The following NCKAP1 variants were observed in gnomAD, a reference collection of about 807,000 sequenced individuals.
NCKAP1 encodes the protein nck-associated protein 1.
Under a neutral mutation model 151.2 loss-of-function variants are expected in NCKAP1, and 21 were observed. The observed-to-expected ratio is 0.14, with a 90% confidence interval of 0.10 to 0.20. The LOEUF is 0.20. NCKAP1 is among the 10% of genes least tolerant of loss of function. The probability of loss-of-function intolerance (pLI) is 1.00; values close to 1 mark genes in which losing one functional copy is unlikely to be tolerated. For synonymous variants in NCKAP1, 484 were observed against 451.8 expected, an observed-to-expected ratio of 1.07 and a Z score of -0.90; for missense variants, 933 against 1,352.1, an observed-to-expected ratio of 0.69 and a Z score of 4.86.
chr2:182,956,400 A>C, intron 20 of NCKAP1, 62 bp downstream of exon 20: 2 of 1,542,046 alleles, frequency 1.3e-6, no homozygotes, highest in Admixed American at 1.8e-5. Flanking sequence ...AAAACACTGT[A>C]TAATTAAATA....
chr2:182,991,983 A>T (rs972730914), intron 8 of NCKAP1, among the ~76,000 whole-genome samples: 2 of 152,200 alleles, frequency 1.3e-5, no homozygotes, highest in Non-Finnish European at 2.9e-5. Flanking sequence ...TAGAGCAGTG[A>T]TTCTTAAACT....
chr2:182,986,085 C>T (rs1698050765), intron 10 of NCKAP1, 86 bp downstream of exon 10: 1 of 1,233,382 alleles, frequency 8.1e-7, no homozygotes, highest in Non-Finnish European at 1.2e-6. Flanking sequence ...ATCTTGCATA[C>T]TATTAATCTG....
rs5836857 is a variant in NCKAP1 at position 182,910,948 on chromosome 2, G to GCACCCCCCCCCCCC, written c.*14753_*14754insGGGGGGGGGGGGTG. On this transcript the variant is annotated 3_prime_UTR_variant, in exon 31 of 31. Transcript: ENST00000361354. ...CTTGGAAATAAAAATAAAATCCTAA[G>GCACCCCCCCCCCCC]CTCCCCCCCCACATTTGACTAAACA... The GCACCCCCCCCCCCC allele has an allele frequency of 8.5e-6, 1 of 117,814 alleles. No individual in the cohort carries two copies. Among genetic ancestry groups the GCACCCCCCCCCCCC allele is most frequent in the Non-Finnish European group, 1.8e-5 (1 of 56,330 alleles). The allele number at this position is 117,814 out of a possible 1,614,324, so 7.3% of individuals were successfully genotyped here. A position where few individuals can be genotyped will look rare whatever the true frequency, so the allele number is the denominator to read the frequency against.
chr2:182,946,159 G>A (rs1697099060), intron 23 of NCKAP1, among the ~76,000 whole-genome samples: 1 of 152,146 alleles, frequency 6.6e-6, no homozygotes, highest in Admixed American at 6.5e-5. Context: ...CAGCATTTTG[G>A]GAGGCTGAGG....
In NCKAP1 at chr2:182,989,124, G is replaced by A. The variant is rs746799663; in HGVS notation, c.853C>T (p.Leu285=). ...TDATALNLWK[L]ALQSSSCLSL... ...AGGCAAGAGCTACTTTGAAGAGCTA[G>A]TTTCCAAAGGTTCAGTGCTGTAGCG... Residue 285 remains leucine, a synonymous_variant, in exon 9 of 31, where the codon CTA becomes TTA. Transcript: ENST00000361354. The A allele has an allele frequency of 6.2e-7, 1 of 1,613,446 alleles. No homozygotes were observed. The highest frequency in any genetic ancestry group is 8.5e-7 in the Non-Finnish European group (1 of 1,179,370).
Position 182,942,175 on chromosome 2 carries a change from A to AG in NCKAP1, c.2602-13dup. ...TCCACCACAAGTTTCTAAAAAAAAA[A>AG]GAAAGATCCTAGGTCAGGCACAGAC... On this transcript the variant is annotated splice_polypyrimidine_tract_variant and intron_variant, in intron 23 of 30. Transcript: ENST00000361354. 1 of 1,583,984 alleles carries AG rather than the reference A, an allele frequency of 6.3e-7. No homozygotes were observed. The highest frequency in any genetic ancestry group is 8.7e-7 in the Non-Finnish European group (1 of 1,154,786).
rs142791664 is a variant in NCKAP1 at position 183,007,161 on chromosome 2, C to T, written c.220-3836G>A. ...GTGCTGGGATTATAAGCATGAGCCA[C>T]TGTACCCGGCCTCAATACGCTAATA... On this transcript the variant is annotated intron_variant, in intron 2 of 30. Transcript: ENST00000361354. Among the ~76,000 whole-genome samples, 1,014 of 152,346 alleles carry T rather than the reference C, an allele frequency of 6.7e-3. 8 individuals carry two copies. The highest frequency in any genetic ancestry group is 0.022 in the African/African-American group (935 of 41,576).
intron 1 of NCKAP1, among the ~76,000 whole-genome samples, chr2:183,027,916 C>T (rs1698929134): frequency 6.6e-6 from 1 of 152,110 alleles, no homozygotes; most frequent in African/African-American, 2.4e-5. Context: ...TACAATATTA[C>T]ACAAAATTAA....
chr2:183,000,040 G>T (rs1247826434), intron 6 of NCKAP1, among the ~76,000 whole-genome samples: 1 of 151,950 alleles, frequency 6.6e-6, no homozygotes, highest in Non-Finnish European at 1.5e-5. Flanking sequence ...CTACCTATTG[G>T]GTACCATGTT....
At chr2:182,961,272 C>T (rs1697444802) in intron 18 of NCKAP1, among the ~76,000 whole-genome samples, 1 of 152,286 alleles carries the variant, frequency 6.6e-6, no homozygotes, top group East Asian at 1.9e-4. Context: ...GCTATAAAGA[C>T]ACATGCACAC....
At chr2:182,971,169 C>G (rs994500649) in intron 15 of NCKAP1, among the ~76,000 whole-genome samples, 1 of 151,490 alleles carries the variant, frequency 6.6e-6, no homozygotes, top group East Asian at 1.9e-4. Flanking sequence ...CCGAGGCGGG[C>G]GGATCACGAG....
intron 2 of NCKAP1, among the ~76,000 whole-genome samples, chr2:183,015,132 T>C (rs904473154): frequency 1.3e-5 from 2 of 152,206 alleles, no homozygotes; most frequent in Admixed American, 6.5e-5. Context: ...GTTATGAATA[T>C]AGTTTAGTAT....
At chr2:182,985,119 T>C (rs938267630) in intron 10 of NCKAP1, among the ~76,000 whole-genome samples, 1 of 152,168 alleles carries the variant, frequency 6.6e-6, no homozygotes, top group African/African-American at 2.4e-5. Context: ...TTCAAGTAAA[T>C]AAAATATGCA....
chr2:183,033,185 T>C (rs1699038954), intron 1 of NCKAP1, among the ~76,000 whole-genome samples: 1 of 152,196 alleles, frequency 6.6e-6, no homozygotes, highest in African/African-American at 2.4e-5. Flanking sequence ...GAGTATCAGA[T>C]CACAAGAAAG....
chr2:182,943,264 C>T (rs554345993), intron 23 of NCKAP1, among the ~76,000 whole-genome samples: 8 of 151,980 alleles, frequency 5.3e-5, no homozygotes, highest in South Asian at 2.1e-4. Context: ...TTTTTACAAA[C>T]GAAAGGTTGA....
At chr2:182,949,974 T>C (rs1697182645) in intron 23 of NCKAP1, among the ~76,000 whole-genome samples, 1 of 152,170 alleles carries the variant, frequency 6.6e-6, no homozygotes, top group Admixed American at 6.5e-5. Flanking sequence ...AAGATACACA[T>C]ACAGCTGAAT....
At position 182,981,257 on chromosome 2, in the gene NCKAP1, T is replaced by C. The variant is rs753789734; in HGVS notation, c.1328A>G (p.Asn443Ser). The C allele has an allele frequency of 6.2e-6, 10 of 1,613,478 alleles. No homozygotes were observed. Among genetic ancestry groups the C allele is most frequent in the East Asian group, 2.2e-5 (1 of 44,870 alleles). Residue 443 changes from asparagine to serine, a missense_variant, in exon 13 of 31, where the codon AAT (asparagine) becomes AGT (serine). Physicochemically the swap from Asn to Ser is conservative, Grantham distance 46. This residue lies in a region of NCKAP1 where 607 missense variants were observed against 795.0 expected (regional missense o/e 0.76). Coordinates refer to ENST00000361354, the MANE Select transcript of NCKAP1 (RefSeq NM_013436.5). ...YLSGFDAVVLNELVQNLSVCP... is the reference protein window; with the variant it reads ...YLSGFDAVVLSELVQNLSVCP... ...GATAGTTTTTACCTGCACGAGTTCA[T>C]TGAGGACAACAGCATCAAAGCCAGA...
At chr2:183,023,386 AAAAC>A (rs1478414516) in intron 2 of NCKAP1, among the ~76,000 whole-genome samples, 4 of 152,156 alleles carry the variant, frequency 2.6e-5, no homozygotes, top group African/African-American at 9.7e-5. Flanking sequence ...AAATACTAGA[AAAAC>A]AAACACATTT....
chr2:183,037,842 C>T, intron 1 of NCKAP1, 150 bp downstream of exon 1: 1 of 564,294 alleles, frequency 1.8e-6, no homozygotes. Flanking sequence ...GGCCGCGGCG[C>T]ATCCAGGCGA....
Sources: allele counts gnomAD v4.1 joint callset (sites outside exome capture counted in the v4.1 genomes callset), GRCh38; gene constraint gnomAD v4.1.1; regional missense constraint gnomAD v4.1.1; transcripts MANE v1.5; gene names NCBI Gene and HGNC (gene_info 2026-07-23, HGNC 2026-07-21).